NCKAP5: variants seen among roughly 807,000 people sequenced by gnomAD.
NCKAP5 encodes the protein nck-associated protein 5.
In NCKAP5, 92 loss-of-function variants were observed where a neutral mutation model predicts 167.0. The observed-to-expected ratio is 0.55, with a 90% CI of 0.47 to 0.66. The LOEUF (loss-of-function observed/expected upper bound fraction) is 0.66, where lower values mean the gene tolerates loss of function less well. NCKAP5 is among the 30% of genes least tolerant of loss of function. The pLI is 0.00. For missense variants in NCKAP5, 2,378 were observed against 2,315.0 expected (o/e 1.03, Z -0.56); for synonymous variants, 891 against 877.4 (o/e 1.02, Z -0.27).
chr2:132,989,579 A>G (rs1196674858), intron 7 of NCKAP5, among the ~76,000 whole-genome samples: 1 of 152,172 alleles, frequency 6.6e-6, no homozygotes, highest in Non-Finnish European at 1.5e-5. Context: ...TGTGACTCAT[A>G]TGCTTGTCAC....
At chr2:133,643,183 A>G in the NCKAP5 span, among the ~76,000 whole-genome samples, 20 of 152,374 alleles carry the variant, frequency 1.3e-4, no homozygotes, top group African/African-American at 4.6e-4. Flanking sequence ...TTCATCAACA[A>G]GTCTGCACAT....
intron 11 of NCKAP5, among the ~76,000 whole-genome samples, chr2:132,813,377 A>G (rs1448063795): frequency 2.0e-5 from 3 of 152,182 alleles, no homozygotes; most frequent in Admixed American, 6.5e-5. Flanking sequence ...TTACCTATGC[A>G]CAGAAAGGAA....
intron 11 of NCKAP5, among the ~76,000 whole-genome samples, chr2:132,835,618 A>T (rs1687837620): frequency 1.4e-5 from 2 of 144,684 alleles, no homozygotes; most frequent in East Asian, 2.0e-4. Context: ...AGGTGTGTTG[A>T]TTTTTTTCAC....
In NCKAP5 at chr2:132,672,811, C is replaced by A; in HGVS notation, c.*478G>T. On this transcript the variant is annotated 3_prime_UTR_variant, in exon 20 of 20. Transcript: ENST00000409261. ...GGATTCTGTATCATAGATGTGTTTA[C>A]GCTTAATCCTCTTGAAACACAATAA... The A allele has an allele frequency of 3.4e-6, 1 of 295,914 alleles. No homozygotes were observed. The highest frequency in any genetic ancestry group is 5.0e-6 in the Non-Finnish European group (1 of 199,410). The allele number at this position is 295,914 out of a possible 1,614,324, so 18.3% of individuals were successfully genotyped here.
chr2:132,698,351 T>C (rs1030718783), intron 19 of NCKAP5, among the ~76,000 whole-genome samples: 2 of 152,212 alleles, frequency 1.3e-5, no homozygotes, highest in African/African-American at 2.4e-5. Flanking sequence ...AATTATTCTT[T>C]AGAGCACAAA....
Position 132,782,826 on chromosome 2 carries a change from C to T in NCKAP5, c.3985G>A (p.Ala1329Thr). Reference sequence around the variant, plus strand: ...CTGGGGAGACTCTCCAACATGGGAGCAGAAGGGGCCTTGTTGGGAGAGCTT... The same window carrying T: ...CTGGGGAGACTCTCCAACATGGGAGTAGAAGGGGCCTTGTTGGGAGAGCTT... ...TESSPNKAPSAPMLESLPSVG... is the reference protein window; with the variant it reads ...TESSPNKAPSTPMLESLPSVG... The change falls in exon 14 of 20, where the codon GCT becomes ACT. Residue 1329 changes from alanine to threonine, a missense_variant. Around this residue, in one of 3 missense-constraint regions of NCKAP5, gnomAD observed 1,325 missense variants for 1,274.5 expected, o/e 1.04. Coordinates refer to ENST00000409261, the MANE Select transcript of NCKAP5 (RefSeq NM_207363.3). 3.1e-6 allele frequency: 5 copies of T among 1,613,878 alleles called. No individual in the cohort carries two copies. The highest frequency in any genetic ancestry group is 4.2e-6 in the Non-Finnish European group (5 of 1,179,844).
intron 2 of NCKAP5, among the ~76,000 whole-genome samples, chr2:133,529,134 AT>A (rs575142541): frequency 2.0e-5 from 3 of 151,764 alleles, no homozygotes; most frequent in East Asian, 1.9e-4. Context: ...CTATGAGATA[AT>A]TTTTTTTTAT....
chr2:132,781,279 A>G (rs767803706), intron 14 of NCKAP5, 50 bp from the exon 15 acceptor site: 5 of 1,544,602 alleles, frequency 3.2e-6, no homozygotes, highest in South Asian at 1.2e-5. Context: ...TCCTTCTTCA[A>G]TCACTCTCCT....
At chr2:133,019,057 C>T (rs2078439406) in intron 6 of NCKAP5, among the ~76,000 whole-genome samples, 1 of 152,164 alleles carries the variant, frequency 6.6e-6, no homozygotes, top group African/African-American at 2.4e-5. Context: ...GAAGACAACC[C>T]TGAAGTAGAT....
At chr2:133,323,051 G>A (rs555205145) in intron 3 of NCKAP5, among the ~76,000 whole-genome samples, 1 of 152,308 alleles carries the variant, frequency 6.6e-6, no homozygotes, top group African/African-American at 2.4e-5. Context: ...CCAGCTGCAA[G>A]TAAGAGTTCC....
At chr2:132,848,547 T>C (rs538621438) in intron 11 of NCKAP5, among the ~76,000 whole-genome samples, 12 of 152,362 alleles carry the variant, frequency 7.9e-5, no homozygotes, top group African/African-American at 2.9e-4. Flanking sequence ...TGTTCTATTT[T>C]GAAATTCTGA....
chr2:133,180,109 G>C (rs2084664571), intron 5 of NCKAP5, among the ~76,000 whole-genome samples: 1 of 152,064 alleles, frequency 6.6e-6, no homozygotes, highest in South Asian at 2.1e-4. Flanking sequence ...CATACCTACA[G>C]GGTAAAACAC....
chr2:132,926,838 G>A (rs549341584), intron 8 of NCKAP5, among the ~76,000 whole-genome samples: 16 of 151,934 alleles, frequency 1.1e-4, no homozygotes, highest in Admixed American at 6.6e-4. Context: ...CTCTTCACTC[G>A]TTTATTTCCT....
intron 11 of NCKAP5, among the ~76,000 whole-genome samples, chr2:132,843,792 T>C (rs1688473001): frequency 6.6e-6 from 1 of 152,146 alleles, no homozygotes; most frequent in Non-Finnish European, 1.5e-5. Context: ...GTATTTTTAC[T>C]AATTTAAGTT....
At chr2:133,304,280 T>C (rs1680615395) in intron 3 of NCKAP5, among the ~76,000 whole-genome samples, 1 of 152,206 alleles carries the variant, frequency 6.6e-6, no homozygotes, top group South Asian at 2.1e-4. Context: ...TGATCCTGGA[T>C]CTACCCATGC....
chr2:133,518,741 T>C (rs149000871), intron 2 of NCKAP5, among the ~76,000 whole-genome samples: 73 of 152,244 alleles, frequency 4.8e-4, no homozygotes, highest in African/African-American at 1.7e-3. Flanking sequence ...CTACAAAACA[T>C]GATGATAGCA....
chr2:132,685,882 A>G (rs1402327040), intron 19 of NCKAP5, among the ~76,000 whole-genome samples: 1 of 152,138 alleles, frequency 6.6e-6, no homozygotes, highest in Non-Finnish European at 1.5e-5. Context: ...CAATCTATGG[A>G]CAGCTGAAGA....
At chr2:133,650,966 G>A in the NCKAP5 span, among the ~76,000 whole-genome samples, 1 of 152,038 alleles carries the variant, frequency 6.6e-6, no homozygotes, top group Non-Finnish European at 1.5e-5. Flanking sequence ...TGGGAAAACT[G>A]GATATTCACA....
chr2:133,329,575 AGGATGG>A (rs1185820934), intron 3 of NCKAP5, among the ~76,000 whole-genome samples: 1 of 152,174 alleles, frequency 6.6e-6, no homozygotes, highest in East Asian at 1.9e-4. Context: ...ACAGAAAGGG[AGGATGG>A]GCTTAGCAAA....
Sources: gnomAD v4.1 joint callset for allele counts (sites outside exome capture counted in the v4.1 genomes callset) on GRCh38, gnomAD v4.1.1 for gene constraint, gnomAD v4.1.1 regional missense constraint, MANE v1.5 for transcripts, NCBI Gene and HGNC (gene_info 2026-07-23, HGNC 2026-07-21) for gene names.